Variants in NRXN1 observed in about 807,000 individuals in gnomAD.
The protein encoded by NRXN1 is neurexin 1, also known as neurexin-1.
NRXN1 carries 39 observed loss-of-function variants against 150.9 expected under a neutral mutation model. That is an observed-to-expected ratio of 0.26 (90% CI 0.20 to 0.34). NRXN1 has a LOEUF of 0.34. Among genes scored for constraint, NRXN1 ranks in the 10% least tolerant of loss-of-function variants. NRXN1 has a pLI of 1.00. For synonymous variants in NRXN1, 924 were observed against 757.0 expected (o/e 1.22, Z -3.62); for missense variants, 1,815 against 1,949.9 (o/e 0.93, Z 1.30).
In NRXN1 at chr2:50,623,592, A is replaced by T; in HGVS notation, c.856T>A (p.Phe286Ile). 6.2e-7 allele frequency: 1 copy of T among 1,611,864 alleles called. No individual in the cohort carries two copies. Among genetic ancestry groups the T allele is most frequent in the Non-Finnish European group, 8.5e-7 (1 of 1,178,422 alleles). ...TAGCAGAAGTATTCAGATCCTTTGA[A>T]CGTGGCAATATATTCTTCTTTTCCT... ...SKGKEEYIAT[F>I]KGSEYFCYDL... is the part of the protein sequence containing the mutation. Residue 286 changes from phenylalanine to isoleucine, a missense_variant, in exon 6 of 23, where the codon TTC becomes ATC. Transcript: ENST00000401669.
At chr2:50,291,499 C>A (rs2072920421) in intron 17 of NRXN1, among the ~76,000 whole-genome samples, 1 of 152,106 alleles carries the variant, frequency 6.6e-6, no homozygotes, top group East Asian at 1.9e-4. Flanking sequence ...GCATTTGCAA[C>A]CCATGAACCC....
At chr2:50,503,372 G>C (rs1417423420) in intron 13 of NRXN1, among the ~76,000 whole-genome samples, 1 of 151,464 alleles carries the variant, frequency 6.6e-6, no homozygotes, top group Non-Finnish European at 1.5e-5. Flanking sequence ...TAATTGGAAT[G>C]AAGGCATGTC....
At position 50,243,709 on chromosome 2, in the gene NRXN1, G is replaced by A. The variant is rs551105387; in HGVS notation, c.3365-6739C>T. ...GGACTCATTAGGTGTTAACAATTAAGGTTTTCCAAATTTTTAAGGGGATCA... is the reference window on the plus strand; with the variant it reads ...GGACTCATTAGGTGTTAACAATTAAAGTTTTCCAAATTTTTAAGGGGATCA... On this transcript the variant is annotated intron_variant, in intron 17 of 22. Transcript: ENST00000401669. Among the ~76,000 whole-genome samples the A allele has an allele frequency of 1.3e-4, 19 of 151,840 alleles. No individual in the cohort carries two copies. The South Asian group carries it at 3.7e-3, about 30-fold the overall frequency.
chr2:50,026,964 C>A (rs1688428950), intron 21 of NRXN1, among the ~76,000 whole-genome samples: 1 of 138,984 alleles, frequency 7.2e-6, no homozygotes, highest in Admixed American at 7.9e-5. Context: ...TCACTGAAAC[C>A]TCCGGCTCCC....
At chr2:49,956,420 C>G (rs1176101988) in intron 21 of NRXN1, among the ~76,000 whole-genome samples, 1 of 152,132 alleles carries the variant, frequency 6.6e-6, no homozygotes, top group Non-Finnish European at 1.5e-5. Flanking sequence ...TACCACCATT[C>G]ACTGTAAGGC....
chr2:50,397,173 T>C (rs4971673), intron 17 of NRXN1, among the ~76,000 whole-genome samples: 84,751 of 151,694 alleles, frequency 0.56, 24,777 homozygotes, highest in East Asian at 0.81. Context: ...GTGAAGAAAC[T>C]ATGAGGAGAA....
intron 5 of NRXN1, among the ~76,000 whole-genome samples, chr2:50,662,808 G>T (rs1015025448): frequency 1.3e-5 from 2 of 151,970 alleles, no homozygotes; most frequent in African/African-American, 4.8e-5. Flanking sequence ...CCTAATGGTA[G>T]CTTATAAGGA....
intron 5 of NRXN1, among the ~76,000 whole-genome samples, chr2:50,647,845 A>T (rs1685045692): frequency 6.6e-6 from 1 of 151,954 alleles, no homozygotes; most frequent in African/African-American, 2.4e-5. Flanking sequence ...CTAATGACAG[A>T]AGAAGAAAAA....
intron 2 of NRXN1, among the ~76,000 whole-genome samples, chr2:51,012,968 C>T (rs924001124): frequency 7.2e-5 from 11 of 151,954 alleles, no homozygotes; most frequent in Admixed American, 7.2e-4. Flanking sequence ...GACCCTTTCA[C>T]CCAAAGCTGT....
At chr2:49,995,780 CAAAAAAAAAAA>C (rs1163315598) in intron 21 of NRXN1, among the ~76,000 whole-genome samples, 24 of 36,382 alleles carry the variant, frequency 6.6e-4, no homozygotes, top group African/African-American at 2.2e-3. Context: ...GACTCCGTCT[CAAAAAAAAAAA>C]AAAAAAAAAA....
intron 5 of NRXN1, among the ~76,000 whole-genome samples, chr2:50,751,620 G>T (rs1360016524): frequency 1.3e-5 from 2 of 151,968 alleles, no homozygotes; most frequent in East Asian, 3.9e-4. Context: ...CATAGTCTGT[G>T]CTCCTGGGGC....
chr2:50,003,996 A>G lies in NRXN1; in HGVS notation c.4128+49275T>C, dbSNP rs556944106. 1.8e-4 allele frequency among the ~76,000 whole-genome samples: 28 copies of G among 152,282 alleles called. No individual in the cohort carries two copies. In the South Asian group the frequency reaches 5.6e-3, roughly 30 times the overall value. ...AACATAATAATTCAAACACATTGAA[A>G]TAAGTTTTGCACTGAGGTAAAAAAG... On this transcript the variant is annotated intron_variant, in intron 21 of 22. Coordinates refer to ENST00000401669, the MANE Select transcript of NRXN1 (RefSeq NM_001330078.2).
At chr2:49,951,803 C>G (rs530095132) in intron 21 of NRXN1, among the ~76,000 whole-genome samples, 26 of 151,976 alleles carry the variant, frequency 1.7e-4, no homozygotes, top group African/African-American at 6.0e-4. Flanking sequence ...GATTGGTGGA[C>G]TAATTAATAG....
At position 50,596,863 on chromosome 2, in the gene NRXN1, CTTTTTTTTTT is replaced by C. The variant is rs3053104; in HGVS notation, c.1320+23149_1320+23158del. Among the ~76,000 whole-genome samples, 1,657 of 92,208 alleles carry C rather than the reference CTTTTTTTTTT, an allele frequency of 0.018. 130 individuals are homozygous for C. In the Admixed American group the frequency reaches 0.19, roughly 11 times the overall value. The allele number at this position is 92,208 out of a possible 152,430, so 60.5% of individuals were successfully genotyped here. A position where few individuals can be genotyped will look rare whatever the true frequency, so the allele number is the denominator to read the frequency against. The stretch of plus-strand genomic sequence containing the variant: ...GAGGAACGTGGGAAAATTCCTAGGA[CTTTTTTTTTT>C]TTTTTTTTTTTTTGACCCAGTCTCG... On this transcript the variant is annotated intron_variant, in intron 8 of 22. Transcript: ENST00000401669.
intron 2 of NRXN1, among the ~76,000 whole-genome samples, chr2:50,953,282 T>C (rs892942111): frequency 1.3e-5 from 2 of 152,162 alleles, no homozygotes; most frequent in African/African-American, 4.8e-5. Context: ...CAGAGAACAA[T>C]GAAAACCTAA....
intron 17 of NRXN1, among the ~76,000 whole-genome samples, chr2:50,306,946 A>T (rs573141199): frequency 1.3e-5 from 2 of 152,276 alleles, no homozygotes; most frequent in African/African-American, 4.8e-5. Context: ...ATTAAAAATG[A>T]GGAACTGTCT....
chr2:50,170,759 GT>G (rs2059981078), intron 18 of NRXN1, among the ~76,000 whole-genome samples: 2 of 58,940 alleles, frequency 3.4e-5, no homozygotes, highest in East Asian at 8.8e-4. Context: ...TGTCTGTCGT[GT>G]GTGTGTGTGT....
chr2:50,723,694 A>G (rs1696958592), intron 5 of NRXN1, among the ~76,000 whole-genome samples: 1 of 152,156 alleles, frequency 6.6e-6, no homozygotes, highest in Non-Finnish European at 1.5e-5. Flanking sequence ...ATCATTTACA[A>G]CCTGCATGGC....
Position 50,964,811 on chromosome 2 carries a change from C to T in NRXN1, c.773-38856G>A, listed in dbSNP as rs534112033. Among the ~76,000 whole-genome samples, 3 of 151,414 alleles carry T rather than the reference C, an allele frequency of 2.0e-5. No individual in the cohort carries two copies. The Admixed American group carries it at 2.0e-4, about 10-fold the overall frequency. On this transcript the variant is annotated intron_variant, in intron 2 of 22. Coordinates refer to ENST00000401669, the MANE Select transcript of NRXN1 (RefSeq NM_001330078.2). ...GGTATTAAATATAGTCCGATTCCAACTTCCATTAAGTCATTTAAGAAAACA... is the reference window on the plus strand; with the variant it reads ...GGTATTAAATATAGTCCGATTCCAATTTCCATTAAGTCATTTAAGAAAACA...
Sources: allele counts gnomAD v4.1 joint callset (sites outside exome capture counted in the v4.1 genomes callset), GRCh38; gene constraint gnomAD v4.1.1; transcripts MANE v1.5; gene names NCBI Gene and HGNC (gene_info 2026-07-23, HGNC 2026-07-21).